Variants in SH2B3 observed in about 807,000 individuals in gnomAD.
The protein encoded by SH2B3 is SH2B adaptor protein 3.
SH2B3 carries 43 observed loss-of-function variants against 51.9 expected under a neutral mutation model. That is an observed-to-expected ratio of 0.83 (90% CI 0.65 to 1.07). The LOEUF is 1.07. SH2B3 is among the 50% of genes least tolerant of loss of function. The pLI is 0.00. For missense variants in SH2B3, 952 were observed against 834.3 expected, an observed-to-expected ratio of 1.14 and a Z score of -1.74; for synonymous variants, 396 against 376.0, an observed-to-expected ratio of 1.05 and a Z score of -0.62.
Position 111,450,513 on chromosome 12 carries a change from G to C in SH2B3, c.*2211G>C, listed in dbSNP as rs987371898. On this transcript the variant is annotated 3_prime_UTR_variant, in exon 8 of 8. Coordinates refer to ENST00000341259, the MANE Select transcript of SH2B3 (RefSeq NM_005475.3). The stretch of plus-strand genomic sequence containing the variant: ...AAATTAAGTTCCCTCCCTCCAGCCA[G>C]AAGTTAAACATCTGGGATATGACGT... 3.3e-5 allele frequency: 5 copies of C among 152,234 alleles called. No homozygotes were observed. Among genetic ancestry groups the C allele is most frequent in the African/African-American group, 1.2e-4 (5 of 41,458 alleles). 9.4% of individuals were successfully genotyped at this position (152,234 alleles called of 1,614,324 possible).
chr12:111,415,757 C>G (rs1479402509), intron 1 of SH2B3, among the ~76,000 whole-genome samples: 2 of 150,268 alleles, frequency 1.3e-5, no homozygotes, highest in African/African-American at 4.9e-5. Flanking sequence ...GAGTAGCTGG[C>G]ATTACAGGCA....
rs540141794 is a variant in SH2B3 at position 111,410,202 on chromosome 12, A to T, written c.-28+3925A>T. On this transcript the variant is annotated intron_variant, in intron 1 of 7. Transcript: ENST00000341259. This position sits in a 1 kb window ranked among gnomAD's most constrained non-coding sequence, Gnocchi z 4.9. ...AGCTGGGAGACTGGGAATGTGATCA[A>T]TCAGGGAGGTGGACACACAAGGGGA... 6.6e-6 allele frequency among the ~76,000 whole-genome samples: 1 copy of T among 152,312 alleles called. No homozygotes were observed. The highest frequency in any genetic ancestry group is 2.1e-4 in the South Asian group (1 of 4,832).
intron 1 of SH2B3, among the ~76,000 whole-genome samples, chr12:111,413,632 A>G (rs1275818327): frequency 6.6e-6 from 1 of 152,196 alleles, no homozygotes; most frequent in Non-Finnish European, 1.5e-5. Flanking sequence ...AGGACGGCCC[A>G]GGGGGCGGGG....
At chr12:111,421,401 C>CTTTTTTTTTT (rs550860498) in intron 2 of SH2B3, among the ~76,000 whole-genome samples, 1 of 90,618 alleles carries the variant, frequency 1.1e-5, no homozygotes, top group Non-Finnish European at 2.1e-5. Context: ...TAGTGTCTTC[C>CTTTTTTTTTT]TTTTTTTTTT....
chr12:111,423,838 G>A (rs1871762880), intron 2 of SH2B3, among the ~76,000 whole-genome samples: 1 of 152,174 alleles, frequency 6.6e-6, no homozygotes, highest in African/African-American at 2.4e-5. Flanking sequence ...TGGTGGCCAA[G>A]CGTGTGGCTC....
intron 2 of SH2B3, among the ~76,000 whole-genome samples, chr12:111,441,986 C>T (rs1192112944): frequency 6.6e-6 from 1 of 151,948 alleles, no homozygotes. Flanking sequence ...GTCTAGAGTA[C>T]AGTGGTGTGA....
At chr12:111,423,672 G>C (rs1246701857) in intron 2 of SH2B3, among the ~76,000 whole-genome samples, 1 of 152,030 alleles carries the variant, frequency 6.6e-6, no homozygotes, top group Non-Finnish European at 1.5e-5. Context: ...GCCCGTCCAG[G>C]GTTCTTAACT....
intron 2 of SH2B3, among the ~76,000 whole-genome samples, chr12:111,439,364 G>A (rs754506240): frequency 3.9e-5 from 6 of 152,188 alleles, no homozygotes; most frequent in Non-Finnish European, 7.3e-5. Flanking sequence ...GGTCAGGCTG[G>A]TCTCTAACTC....
rs1489384033 is a variant in SH2B3, at chr12:111,448,488, C to T, written c.*186C>T. 1 of 594,890 alleles carries T rather than the reference C, an allele frequency of 1.7e-6. No individual in the cohort carries two copies. 36.9% of individuals were successfully genotyped at this position (594,890 alleles called of 1,614,324 possible). A position where few individuals can be genotyped will look rare whatever the true frequency, so the allele number is the denominator to read the frequency against. On this transcript the variant is annotated 3_prime_UTR_variant, in exon 8 of 8. Transcript: ENST00000341259. ...TGAAGGGCCCTCCTGTAGGTTTCAT[C>T]TATCCACCTGGCTTTCTCCTTATTG...
Position 111,418,178 on chromosome 12 carries a change from C to T in SH2B3, c.33C>T (p.Pro11=), listed in dbSNP as rs1871219941. The change falls in exon 2 of 8, where the codon CCC becomes CCT. Residue 11 remains proline, a synonymous_variant. Coordinates refer to ENST00000341259, the MANE Select transcript of SH2B3 (RefSeq NM_005475.3). This position sits in a 1 kb window ranked among gnomAD's most constrained non-coding sequence, Gnocchi z 6.7. ...GGCCTGCCCTGCAGCCCTCCTCGCCCTCTTCCGCGCCCTCAGCCTCCCCGG... is the reference window on the plus strand; with the variant it reads ...GGCCTGCCCTGCAGCCCTCCTCGCCTTCTTCCGCGCCCTCAGCCTCCCCGG... MNGPALQPSS[P]SSAPSASPAA... 1 of 1,556,276 alleles carries T rather than the reference C, an allele frequency of 6.4e-7. No individual in the cohort carries two copies. Among genetic ancestry groups the T allele is most frequent in the Non-Finnish European group, 8.6e-7 (1 of 1,164,324 alleles).
At chr12:111,431,546 C>T (rs903231957) in intron 2 of SH2B3, among the ~76,000 whole-genome samples, 3 of 151,026 alleles carry the variant, frequency 2.0e-5, no homozygotes, top group Non-Finnish European at 4.4e-5. Context: ...CAGAGAGAAC[C>T]AGCATTTCCA....
At chr12:111,423,716 C>T (rs1432783844) in intron 2 of SH2B3, among the ~76,000 whole-genome samples, 1 of 151,798 alleles carries the variant, frequency 6.6e-6, no homozygotes, top group African/African-American at 2.4e-5. Flanking sequence ...GGCGCAGTGG[C>T]TCATGCCAGT....
intron 2 of SH2B3, among the ~76,000 whole-genome samples, chr12:111,444,399 G>C (rs367737599): frequency 1.3e-5 from 2 of 152,290 alleles, no homozygotes; most frequent in East Asian, 3.9e-4. Flanking sequence ...ATAACAAACA[G>C]AAGCCATCTG....
chr12:111,441,211 A>G (rs376241475), intron 2 of SH2B3, among the ~76,000 whole-genome samples: 1 of 151,940 alleles, frequency 6.6e-6, no homozygotes, highest in South Asian at 2.1e-4. Context: ...TCCTATCTCT[A>G]TCTCTACAAA....
chr12:111,413,676 C>T (rs990531054), intron 1 of SH2B3, among the ~76,000 whole-genome samples: 3 of 152,204 alleles, frequency 2.0e-5, no homozygotes, highest in East Asian at 1.9e-4. Flanking sequence ...ACGCATCTGC[C>T]GGGAGAGCAA....
At chr12:111,425,404 G>C (rs1871912866) in intron 2 of SH2B3, among the ~76,000 whole-genome samples, 1 of 152,158 alleles carries the variant, frequency 6.6e-6, no homozygotes, top group African/African-American at 2.4e-5. Context: ...GGGTTGGTCA[G>C]CAAAGGCCTC....
rs1873480521 is a variant in SH2B3 at position 111,442,208 on chromosome 12, G to A, written c.733-4545G>A. The stretch of plus-strand genomic sequence containing the variant: ...GGACAGGATCTGGAATTTGCTCTGC[G>A]CCTTTTCAGACCCCCTCCCTCTCCT... On this transcript the variant is annotated intron_variant, in intron 2 of 7. Coordinates refer to ENST00000341259, the MANE Select transcript of SH2B3 (RefSeq NM_005475.3). 2.6e-5 allele frequency among the ~76,000 whole-genome samples: 4 copies of A among 152,298 alleles called. No homozygotes were observed. In the South Asian group the frequency reaches 8.3e-4, roughly 32 times the overall value.
rs1046121127 is a variant in SH2B3, at chr12:111,406,524, G to A, written c.-28+247G>A. Among the ~76,000 whole-genome samples, 37 of 152,166 alleles carry A rather than the reference G, an allele frequency of 2.4e-4. No individual in the cohort carries two copies. The highest frequency in any genetic ancestry group is 8.4e-4 in the African/African-American group (35 of 41,438). ...AGCGTTGGGGTAACTGAGGCCGTGG[G>A]ATGGGGGAGAGGGCATCGCTGACGC... On this transcript the variant is annotated intron_variant, in intron 1 of 7. Transcript: ENST00000341259. This position sits in a 1 kb window ranked among gnomAD's most constrained non-coding sequence, Gnocchi z 5.7.
At chr12:111,446,726 C>T (rs746486354) in intron 2 of SH2B3, 27 bp from the exon 3 acceptor site, 5 of 1,381,286 alleles carry the variant, frequency 3.6e-6, no homozygotes, top group Non-Finnish European at 4.9e-6. Flanking sequence ...AGGAACAAGC[C>T]TTGAGTACCC....
Sources: allele counts gnomAD v4.1 joint callset (sites outside exome capture counted in the v4.1 genomes callset), GRCh38; gene constraint gnomAD v4.1.1; non-coding constraint Gnocchi (gnomAD v3.1); transcripts MANE v1.5; gene names NCBI Gene and HGNC (gene_info 2026-07-23, HGNC 2026-07-21).